The following PRKCE variants were observed in gnomAD, a reference collection of about 807,000 sequenced individuals.
PRKCE encodes protein kinase C epsilon type.
PRKCE carries 16 observed loss-of-function variants against 85.4 expected under a neutral mutation model. That is an observed-to-expected ratio of 0.19 (90% CI 0.13 to 0.28). The LOEUF (loss-of-function observed/expected upper bound fraction) is 0.28, where lower values mean the gene tolerates loss of function less well. PRKCE is among the 10% of genes least tolerant of loss of function. The pLI is 1.00. For missense variants in PRKCE, 573 were observed against 975.2 expected (o/e 0.59, Z 5.49); for synonymous variants, 388 against 371.5 (o/e 1.04, Z -0.51).
At chr2:46,028,716 A>G (rs1707305704) in intron 10 of PRKCE, among the ~76,000 whole-genome samples, 1 of 152,240 alleles carries the variant, frequency 6.6e-6, no homozygotes, top group Non-Finnish European at 1.5e-5. Flanking sequence ...TTTGTTACAT[A>G]GGTAAACTTG....
chr2:46,123,550 A>G (rs564705808), intron 11 of PRKCE, among the ~76,000 whole-genome samples: 4 of 152,244 alleles, frequency 2.6e-5, no homozygotes, highest in African/African-American at 9.6e-5. Flanking sequence ...GTGCAGTGGC[A>G]TGATCTGAGC....
At chr2:45,943,716 A>T (rs1335470703) in intron 2 of PRKCE, among the ~76,000 whole-genome samples, 1 of 152,214 alleles carries the variant, frequency 6.6e-6, no homozygotes, top group African/African-American at 2.4e-5. Flanking sequence ...CAGCTAAGTT[A>T]CACGTCTTAG....
rs184191593 is a variant in PRKCE at position 45,905,815 on chromosome 2, T to G, written c.412+62752T>G. 6.6e-6 allele frequency among the ~76,000 whole-genome samples: 1 copy of G among 152,234 alleles called. No homozygotes were observed. Among genetic ancestry groups the G allele is most frequent in the Non-Finnish European group, 1.5e-5 (1 of 68,042 alleles). On this transcript the variant is annotated intron_variant, in intron 2 of 14. Coordinates refer to ENST00000306156, the MANE Select transcript of PRKCE (RefSeq NM_005400.3). The surrounding 1 kb of genome is among the most constrained non-coding windows in gnomAD (Gnocchi z 4.4). Reference sequence around the variant, plus strand: ...GACCTGAACTGCTTACTCAACTCTGTACTCAGTTACAAATTGGGTGAGATG... The same window carrying G: ...GACCTGAACTGCTTACTCAACTCTGGACTCAGTTACAAATTGGGTGAGATG...
intron 1 of PRKCE, among the ~76,000 whole-genome samples, chr2:45,799,654 A>G (rs1382420115): frequency 6.6e-6 from 1 of 152,236 alleles, no homozygotes; most frequent in Non-Finnish European, 1.5e-5. Flanking sequence ...TAAAAGGCAC[A>G]TGTCAGTATA....
chr2:45,961,907 C>A (rs1353980814), intron 2 of PRKCE, among the ~76,000 whole-genome samples: 1 of 152,116 alleles, frequency 6.6e-6, no homozygotes, highest in Non-Finnish European at 1.5e-5. Context: ...GTTGGTCAGG[C>A]TGGTCTCGAA....
In PRKCE at chr2:46,004,630, G is replaced by C. The variant is rs1315247451; in HGVS notation, c.1055G>C (p.Cys352Ser). The C allele has an allele frequency of 1.9e-6, 3 of 1,580,762 alleles. No individual in the cohort carries two copies. Among genetic ancestry groups the C allele is most frequent in the Non-Finnish European group, 2.6e-6 (3 of 1,170,086 alleles). The part of the protein sequence containing the change: ...DRSKSAPTSP[C>S]DQEIKELENN... ...TCCAAGTCAGCACCCACCTCCCCTT[G>C]TGACCAGGGTGAGACCCTCAGATTT... The change falls in exon 8 of 15, where the codon TGT (cysteine) becomes TCT (serine). Residue 352 changes from cysteine (C) to serine (S), a missense_variant. By Grantham distance (112) the Cys-to-Ser change is moderately radical. This residue lies in a region of PRKCE where 117 missense variants were observed against 104.8 expected (regional missense o/e 1.12). Coordinates refer to ENST00000306156, the MANE Select transcript of PRKCE (RefSeq NM_005400.3). The surrounding 1 kb of genome is among the most constrained non-coding windows in gnomAD (Gnocchi z 4.1).
chr2:46,004,957 T>C lies in PRKCE; in HGVS notation c.1063+319T>C, dbSNP rs921461537. ...TCCAAGTGTACTGCAGAGAGAAGGGTACAGCTCCCTCTCTTAAAGCTCTTG... is the reference window on the plus strand; with the variant it reads ...TCCAAGTGTACTGCAGAGAGAAGGGCACAGCTCCCTCTCTTAAAGCTCTTG... On this transcript the variant is annotated intron_variant, in intron 8 of 14. Transcript: ENST00000306156. This position sits in a 1 kb window ranked among gnomAD's most constrained non-coding sequence, Gnocchi z 4.1. Among the ~76,000 whole-genome samples, 2 of 152,096 alleles carry C rather than the reference T, an allele frequency of 1.3e-5. No individual in the cohort carries two copies. Among genetic ancestry groups the C allele is most frequent in the African/African-American group, 4.8e-5 (2 of 41,402 alleles).
At chr2:45,918,971 G>T (rs1262247632) in intron 2 of PRKCE, among the ~76,000 whole-genome samples, 1 of 152,248 alleles carries the variant, frequency 6.6e-6, no homozygotes, top group Non-Finnish European at 1.5e-5. Context: ...GAGCTGGCAT[G>T]ATATGGCAGT....
At chr2:46,169,171 G>C (rs537683057) in intron 14 of PRKCE, among the ~76,000 whole-genome samples, 1 of 152,332 alleles carries the variant, frequency 6.6e-6, no homozygotes, top group South Asian at 2.1e-4. Context: ...TCATGGAGAA[G>C]AGACACTCTG....
intron 2 of PRKCE, among the ~76,000 whole-genome samples, chr2:45,863,509 C>T (rs1693337042): frequency 6.6e-6 from 1 of 152,052 alleles, no homozygotes; most frequent in African/African-American, 2.4e-5. Flanking sequence ...TTCTTCTTGC[C>T]CTACCTTCCT....
intron 1 of PRKCE, among the ~76,000 whole-genome samples, chr2:45,778,180 T>C (rs1242060634): frequency 6.6e-6 from 1 of 152,064 alleles, no homozygotes; most frequent in Non-Finnish European, 1.5e-5. Context: ...TTTAAGCCAA[T>C]TGCTGATGGC....
intron 2 of PRKCE, among the ~76,000 whole-genome samples, chr2:45,893,346 T>C (rs1695877286): frequency 1.1e-5 from 1 of 91,024 alleles, no homozygotes; most frequent in African/African-American, 4.1e-5. Context: ...GTCTTTTCTT[T>C]TCTTTTCTTT....
At chr2:45,931,384 C>A (rs6720958) in intron 2 of PRKCE, among the ~76,000 whole-genome samples, 12,803 of 152,190 alleles carry the variant, frequency 0.084, 584 homozygotes, top group Middle Eastern at 0.13. Flanking sequence ...AATAACAAAA[C>A]AAGGCTCCAT....
At chr2:46,179,849 A>G (rs1356949264) in intron 14 of PRKCE, among the ~76,000 whole-genome samples, 1 of 151,174 alleles carries the variant, frequency 6.6e-6, no homozygotes, top group Non-Finnish European at 1.5e-5. Context: ...ATCCCCCCCA[A>G]CTCCCTGCCT....
intron 10 of PRKCE, among the ~76,000 whole-genome samples, chr2:46,036,260 T>A (rs1280321196): frequency 6.6e-6 from 1 of 152,068 alleles, no homozygotes; most frequent in Non-Finnish European, 1.5e-5. Context: ...GAGCAGGCAC[T>A]CACCTGACCA....
rs765882131 is a variant in PRKCE, at chr2:45,980,378, C to G, written c.690C>G (p.Asp230Glu). ...CAGLKKQETP[D>E]QVGSQRFSVN... is the part of the protein sequence containing the mutation. Reference sequence around the variant, plus strand: ...GGTTAAAGAAGCAGGAGACCCCCGACCAGGTAAGTGTTGGTGACACGGAAA... The same window carrying G: ...GGTTAAAGAAGCAGGAGACCCCCGAGCAGGTAAGTGTTGGTGACACGGAAA... The change falls in exon 5 of 15, where the codon GAC (aspartate) becomes GAG (glutamate). Residue 230 changes from aspartate (D) to glutamate (E), a missense_variant. This residue lies in a region of PRKCE where 18 missense variants were observed against 17.4 expected (regional missense o/e 1.04). Coordinates refer to ENST00000306156, the MANE Select transcript of PRKCE (RefSeq NM_005400.3). 6.3e-7 allele frequency: 1 copy of G among 1,599,666 alleles called. No individual in the cohort carries two copies. The highest frequency in any genetic ancestry group is 8.5e-7 in the Non-Finnish European group (1 of 1,179,910).
chr2:45,808,189 T>C (rs1688389597), intron 1 of PRKCE, among the ~76,000 whole-genome samples: 1 of 152,120 alleles, frequency 6.6e-6, no homozygotes, highest in Admixed American at 6.5e-5. Flanking sequence ...AAGTGTCTGG[T>C]TGGCAAGCAC....
At position 46,086,231 on chromosome 2, in the gene PRKCE, A is replaced by C; in HGVS notation, c.1461A>C (p.Glu487Asp). ...QTKDRLFFVM[E>D]YVNGGDLMFQ... Reference sequence around the variant, plus strand: ...AGGACCGCCTCTTTTTCGTCATGGAATATGTAAATGGTGGAGACCTCATGT... The same window carrying C: ...AGGACCGCCTCTTTTTCGTCATGGACTATGTAAATGGTGGAGACCTCATGT... Residue 487 changes from glutamate to aspartate, a missense_variant, in exon 11 of 15, where the codon GAA becomes GAC. Glu to Asp is a conservative substitution (Grantham distance 45). Around this residue, in one of 11 missense-constraint regions of PRKCE, gnomAD observed 89 missense variants for 154.1 expected, o/e 0.58. Coordinates refer to ENST00000306156, the MANE Select transcript of PRKCE (RefSeq NM_005400.3). 1 of 1,599,450 alleles carries C rather than the reference A, an allele frequency of 6.3e-7. No individual in the cohort carries two copies. Among genetic ancestry groups the C allele is most frequent in the Non-Finnish European group, 8.5e-7 (1 of 1,179,886 alleles).
intron 6 of PRKCE, among the ~76,000 whole-genome samples, chr2:45,994,642 T>A (rs1443419845): frequency 2.0e-5 from 3 of 152,224 alleles, no homozygotes; most frequent in African/African-American, 7.2e-5. Flanking sequence ...TAAGGCTGGA[T>A]AATATTTCAG....
Sources: gnomAD v4.1 joint callset for allele counts (sites outside exome capture counted in the v4.1 genomes callset) on GRCh38, gnomAD v4.1.1 for gene constraint, gnomAD v4.1.1 regional missense constraint, Gnocchi (gnomAD v3.1) non-coding constraint, MANE v1.5 for transcripts, NCBI Gene and HGNC (gene_info 2026-07-23, HGNC 2026-07-21) for gene names.